The following CSMD1 variants were observed in gnomAD, a reference collection of about 807,000 sequenced individuals.
The protein encoded by CSMD1 is CUB and sushi domain-containing protein 1.
CSMD1 carries 213 observed loss-of-function variants against 417.5 expected under a neutral mutation model. That is an observed-to-expected ratio of 0.51 (90% CI 0.46 to 0.57). The LOEUF is 0.57. CSMD1 is among the 20% of genes least tolerant of loss of function. The pLI is 0.00. For synonymous variants in CSMD1, 2,862 were observed against 1,736.8 expected (o/e 1.65, Z -16.11); for missense variants, 6,923 against 4,529.7 (o/e 1.53, Z -15.17).
chr8:3,954,679 T>G (rs564398189), intron 5 of CSMD1, among the ~76,000 whole-genome samples: 1 of 152,210 alleles, frequency 6.6e-6, no homozygotes, highest in African/African-American at 2.4e-5. Flanking sequence ...AGGACTTGTA[T>G]AGACTCCCCT....
chr8:3,652,157 A>G (rs1431238533), intron 7 of CSMD1, among the ~76,000 whole-genome samples: 2 of 149,978 alleles, frequency 1.3e-5, no homozygotes, highest in Non-Finnish European at 3.0e-5. Context: ...GCTTACCACC[A>G]TCAGAGCGCT....
At chr8:4,548,170 A>G (rs7814036) in intron 2 of CSMD1, among the ~76,000 whole-genome samples, 17,111 of 152,204 alleles carry the variant, frequency 0.11, 1,194 homozygotes, top group African/African-American at 0.2. Flanking sequence ...GGAGACTCCT[A>G]CAAGAGCTTA....
At chr8:4,321,739 C>A (rs181818387) in intron 3 of CSMD1, among the ~76,000 whole-genome samples, 1 of 152,034 alleles carries the variant, frequency 6.6e-6, no homozygotes, top group Non-Finnish European at 1.5e-5. Flanking sequence ...TATTACTATA[C>A]GATTAAGAGT....
At chr8:3,988,974 A>G (rs1814537804) in intron 5 of CSMD1, among the ~76,000 whole-genome samples, 1 of 152,252 alleles carries the variant, frequency 6.6e-6, no homozygotes, top group Non-Finnish European at 1.5e-5. Flanking sequence ...TTTGCTGAAC[A>G]TAGACTTTTA....
chr8:3,398,607 T>A (rs771417494), intron 16 of CSMD1, among the ~76,000 whole-genome samples: 86 of 152,132 alleles, frequency 5.7e-4, no homozygotes, highest in Non-Finnish European at 1.1e-3. Context: ...TGTAGTCTAG[T>A]CAAGAAGAAG....
intron 5 of CSMD1, among the ~76,000 whole-genome samples, chr8:3,980,525 A>G (rs1346220995): frequency 6.9e-6 from 1 of 144,328 alleles, no homozygotes; most frequent in African/African-American, 2.6e-5. Context: ...TGTTTATGCC[A>G]TTTAGATTTG....
At chr8:4,164,789 T>A (rs959497047) in intron 3 of CSMD1, among the ~76,000 whole-genome samples, 2 of 151,842 alleles carry the variant, frequency 1.3e-5, no homozygotes, top group African/African-American at 4.8e-5. Context: ...GGCAGGAGAA[T>A]GGCGTGAAAT....
chr8:4,687,686 C>A (rs1381596905), intron 1 of CSMD1, among the ~76,000 whole-genome samples: 1 of 152,154 alleles, frequency 6.6e-6, no homozygotes, highest in East Asian at 1.9e-4. Flanking sequence ...TGTTTTTGAT[C>A]TTTCAAGATA....
intron 10 of CSMD1, among the ~76,000 whole-genome samples, chr8:3,538,323 C>G (rs923650846): frequency 6.6e-6 from 1 of 152,172 alleles, no homozygotes; most frequent in Non-Finnish European, 1.5e-5. Context: ...TGCGATGCCT[C>G]ATCTGAGATT....
chr8:3,394,489 C>A (rs989516069), intron 17 of CSMD1, among the ~76,000 whole-genome samples: 1 of 151,876 alleles, frequency 6.6e-6, no homozygotes, highest in African/African-American at 2.4e-5. Context: ...GTAGAAAAAG[C>A]AAAGTCATCT....
Position 2,951,101 on chromosome 8 carries a change from C to A in CSMD1, c.10201+13G>T. On this transcript the variant is annotated intron_variant, in intron 66 of 69. Coordinates refer to ENST00000635120, the MANE Select transcript of CSMD1 (RefSeq NM_033225.6). ...GCTCACACCATGCGTTTAGTGAATT[C>A]TTCGGGACCTACCTGTCAACTTCAG... 1 of 1,609,102 alleles carries A rather than the reference C, an allele frequency of 6.2e-7. No individual in the cohort carries two copies. The highest frequency in any genetic ancestry group is 1.1e-5 in the South Asian group (1 of 90,364).
chr8:4,361,622 T>C (rs1055696584), intron 3 of CSMD1, among the ~76,000 whole-genome samples: 1 of 152,176 alleles, frequency 6.6e-6, no homozygotes, highest in Non-Finnish European at 1.5e-5. Context: ...CTCTCTGCTT[T>C]GCTGTCCCTT....
chr8:4,204,170 C>A (rs1799837706), intron 3 of CSMD1, among the ~76,000 whole-genome samples: 1 of 152,044 alleles, frequency 6.6e-6, no homozygotes, highest in African/African-American at 2.4e-5. Flanking sequence ...ATTGACTGTG[C>A]CCATGTGGTG....
chr8:3,966,268 T>G (rs891353672), intron 5 of CSMD1, among the ~76,000 whole-genome samples: 6 of 152,286 alleles, frequency 3.9e-5, no homozygotes, highest in Admixed American at 3.3e-4. Context: ...CAAAGATACT[T>G]AAACTGAATG....
At chr8:4,595,227 G>A (rs1326469421) in intron 2 of CSMD1, among the ~76,000 whole-genome samples, 1 of 151,926 alleles carries the variant, frequency 6.6e-6, no homozygotes, top group Non-Finnish European at 1.5e-5. Context: ...AACTCAAATT[G>A]GCTTGAGTTG....
chr8:3,055,000 A>G (rs961978520), intron 49 of CSMD1, among the ~76,000 whole-genome samples: 2 of 151,898 alleles, frequency 1.3e-5, no homozygotes, highest in Non-Finnish European at 2.9e-5. Context: ...CTCAGATTTC[A>G]CTCTGAAAAT....
chr8:3,273,516 C>T (rs1373899421), intron 26 of CSMD1, among the ~76,000 whole-genome samples: 1 of 152,170 alleles, frequency 6.6e-6, no homozygotes, highest in Non-Finnish European at 1.5e-5. Flanking sequence ...GGTACAAATT[C>T]CTCCTTGTAC....
At position 3,979,545 on chromosome 8, in the gene CSMD1, G is replaced by C. The variant is rs190140912; in HGVS notation, c.818+18358C>G. Among the ~76,000 whole-genome samples, 49 of 152,268 alleles carry C rather than the reference G, an allele frequency of 3.2e-4. 1 individual carries two copies. Among genetic ancestry groups the C allele is most frequent in the East Asian group, 2.5e-3 (13 of 5,176 alleles). Reference sequence around the variant, plus strand: ...AACTCTCCAAGTCATGATATTAAGAGCTCAGGCCTTTGGAAAACACCTACA... The same window carrying C: ...AACTCTCCAAGTCATGATATTAAGACCTCAGGCCTTTGGAAAACACCTACA... On this transcript the variant is annotated intron_variant, in intron 5 of 69. Transcript: ENST00000635120.
chr8:4,857,876 T>A (rs973181306), intron 1 of CSMD1, among the ~76,000 whole-genome samples: 1 of 151,476 alleles, frequency 6.6e-6, no homozygotes, highest in Non-Finnish European at 1.5e-5. Context: ...ACTATTCCAA[T>A]CAATAGAAAA....
Sources: allele counts gnomAD v4.1 joint callset (sites outside exome capture counted in the v4.1 genomes callset), GRCh38; gene constraint gnomAD v4.1.1; transcripts MANE v1.5; gene names NCBI Gene and HGNC (gene_info 2026-07-23, HGNC 2026-07-21).